The following ARHGEF18 variants were observed in gnomAD, a reference collection of about 807,000 sequenced individuals.
ARHGEF18 encodes Rho/Rac guanine nucleotide exchange factor 18.
Under a neutral mutation model 155.7 loss-of-function variants are expected in ARHGEF18, and 93 were observed. That is an observed-to-expected ratio of 0.60 (90% CI 0.50 to 0.71). ARHGEF18 has a LOEUF of 0.71. Among genes scored for constraint, ARHGEF18 ranks in the 30% least tolerant of loss-of-function variants. The probability of loss-of-function intolerance (pLI) is 0.00; values close to 1 mark genes in which losing one functional copy is unlikely to be tolerated. For synonymous variants in ARHGEF18, 742 were observed against 753.1 expected, an observed-to-expected ratio of 0.99 and a Z score of 0.24; for missense variants, 1,593 against 1,816.1, an observed-to-expected ratio of 0.88 and a Z score of 2.23.
rs549684900 is a variant in ARHGEF18, at chr19:7,351,960, G to T, written c.-111+2719G>T. ...TCCACCTGCCTTGGCCTCCCAAAGT[G>T]CTGGGATTACAGATGTAAGCCACTG... On this transcript the variant is annotated intron_variant, in intron 1 of 28. Coordinates refer to ENST00000668164, the MANE Select transcript of ARHGEF18 (RefSeq NM_001367823.1). Among the ~76,000 whole-genome samples, 8 of 152,234 alleles carry T rather than the reference G, an allele frequency of 5.3e-5. No homozygotes were observed. In the East Asian group the frequency reaches 1.5e-3, roughly 29 times the overall value.
chr19:7,443,764 C>T (rs1334961265), intron 13 of ARHGEF18, among the ~76,000 whole-genome samples: 5 of 151,932 alleles, frequency 3.3e-5, no homozygotes, highest in Non-Finnish European at 7.4e-5. Flanking sequence ...GATAGCCAGG[C>T]GTGGTGGTGT....
At chr19:7,391,453 A>G (rs17159418) in intron 10 of ARHGEF18, among the ~76,000 whole-genome samples, 17,684 of 152,002 alleles carry the variant, frequency 0.12, 1,970 homozygotes, top group African/African-American at 0.29. Flanking sequence ...TTTATAATTC[A>G]ACCCCACCTA....
chr19:7,403,076 C>T (rs888763645), intron 10 of ARHGEF18, among the ~76,000 whole-genome samples: 4 of 152,174 alleles, frequency 2.6e-5, no homozygotes, highest in Non-Finnish European at 4.4e-5. Context: ...TACAGTGGCG[C>T]GATCTCGGCT....
At chr19:7,388,939 A>T (rs1014381246) in intron 10 of ARHGEF18, among the ~76,000 whole-genome samples, 1 of 151,976 alleles carries the variant, frequency 6.6e-6, no homozygotes, top group Non-Finnish European at 1.5e-5. Flanking sequence ...AAGTACAAAG[A>T]AAGCAGAGAG....
At chr19:7,437,186 A>T (rs62111750) in intron 10 of ARHGEF18, among the ~76,000 whole-genome samples, 60,813 of 151,450 alleles carry the variant, frequency 0.4, 12,758 homozygotes, top group East Asian at 0.59. Context: ...CCCAGCACTT[A>T]GGGAGGCCGA....
chr19:7,421,005 A>G (rs1490908281), intron 10 of ARHGEF18, among the ~76,000 whole-genome samples: 1 of 152,100 alleles, frequency 6.6e-6, no homozygotes, highest in Non-Finnish European at 1.5e-5. Flanking sequence ...GTGATGGCTC[A>G]CTGCCGCCTC....
chr19:7,398,702 A>T (rs1030219128), intron 10 of ARHGEF18, among the ~76,000 whole-genome samples: 8 of 151,116 alleles, frequency 5.3e-5, no homozygotes, highest in South Asian at 2.1e-4. Context: ...AAAAAAAAAA[A>T]AAAAATAAAG....
intron 10 of ARHGEF18, among the ~76,000 whole-genome samples, chr19:7,432,608 T>C (rs1473954681): frequency 6.6e-6 from 1 of 152,152 alleles, no homozygotes; most frequent in Non-Finnish European, 1.5e-5. Flanking sequence ...CCCAAAGTAC[T>C]CAGATTACAG....
chr19:7,423,924 G>T (rs1222274744), intron 10 of ARHGEF18, among the ~76,000 whole-genome samples: 2 of 152,094 alleles, frequency 1.3e-5, no homozygotes. Flanking sequence ...GAACCCAGAA[G>T]TGGATCTCAT....
rs964109079 is a variant in ARHGEF18, at chr19:7,459,996, TGAGCGG to T, written c.2452+6_2452+11del. 6 of 1,571,544 alleles carry T rather than the reference TGAGCGG, an allele frequency of 3.8e-6. No homozygotes were observed. The highest frequency in any genetic ancestry group is 5.2e-6 in the Non-Finnish European group (6 of 1,158,546). Reference sequence around the variant, plus strand: ...CCACGAGACTCCGGGACTTTCAAGGTGAGCGGGAGACAGCGTCTGGGCACACCCCTT... The same window carrying T: ...CCACGAGACTCCGGGACTTTCAAGGTGAGACAGCGTCTGGGCACACCCCTT... On this transcript the variant is annotated splice_donor_5th_base_variant and intron_variant, in intron 20 of 28. Coordinates refer to ENST00000668164, the MANE Select transcript of ARHGEF18 (RefSeq NM_001367823.1).
rs752929748 is a variant in ARHGEF18, at chr19:7,471,160, G to A, written c.*862G>A. The A allele has an allele frequency of 3.4e-5, 8 of 231,944 alleles. No homozygotes were observed. The South Asian group carries it at 5.5e-4, about 16-fold the overall frequency. The allele number at this position is 231,944 out of a possible 1,614,324, so 14.4% of individuals were successfully genotyped here. ...CCTGGGCACAGGGTCCTCAGCCCCC[G>A]GGAAATGAGCTCCCAGGGCTGGCGT... is the stretch of plus-strand genomic sequence containing the variant. On this transcript the variant is annotated 3_prime_UTR_variant, in exon 29 of 29. Transcript: ENST00000668164. The surrounding 1 kb of genome is among the most constrained non-coding windows in gnomAD (Gnocchi z 4.4).
intron 3 of ARHGEF18, 25 bp from the exon 4 acceptor site, chr19:7,375,695 C>T: frequency 8.1e-7 from 1 of 1,234,138 alleles, no homozygotes; most frequent in Non-Finnish European, 1.0e-6. Flanking sequence ...CTGCTGAAGC[C>T]CCAGTACCCT....
the ARHGEF18 span, among the ~76,000 whole-genome samples, chr19:7,478,106 G>C: frequency 6.6e-6 from 1 of 152,244 alleles, no homozygotes; most frequent in Non-Finnish European, 1.5e-5. Flanking sequence ...GCGCAGCCAT[G>C]AAGGCTCAGC....
chr19:7,375,424 AAAGG>A (rs1001191612), intron 3 of ARHGEF18, among the ~76,000 whole-genome samples: 12 of 150,902 alleles, frequency 8.0e-5, no homozygotes, highest in East Asian at 3.9e-4. Flanking sequence ...AGGAAGGAAG[AAAGG>A]AAGGAAGAAA....
At chr19:7,373,470 T>G (rs371482042) in intron 3 of ARHGEF18, among the ~76,000 whole-genome samples, 3 of 149,774 alleles carry the variant, frequency 2.0e-5, no homozygotes, top group African/African-American at 5.0e-5. Flanking sequence ...TTTGTTTTTT[T>G]TTTTTTGTTT....
At chr19:7,448,616 GCAC>G (rs1568345555) in intron 15 of ARHGEF18, among the ~76,000 whole-genome samples, 2 of 151,284 alleles carry the variant, frequency 1.3e-5, no homozygotes, top group Non-Finnish European at 2.9e-5. Flanking sequence ...AGCTGAGATC[GCAC>G]CACTGCACTC....
At chr19:7,363,905 T>C (rs1969751518) in intron 2 of ARHGEF18, among the ~76,000 whole-genome samples, 1 of 144,470 alleles carries the variant, frequency 6.9e-6, no homozygotes, top group Non-Finnish European at 1.5e-5. Context: ...GATGGGTTGA[T>C]GGAAGGAAGG....
chr19:7,425,719 G>A (rs1005527737), intron 10 of ARHGEF18, among the ~76,000 whole-genome samples: 13 of 151,460 alleles, frequency 8.6e-5, no homozygotes, highest in African/African-American at 3.2e-4. Flanking sequence ...ATTATGAGAG[G>A]CCGGGCACAG....
chr19:7,401,675 G>A (rs112271732), intron 10 of ARHGEF18, among the ~76,000 whole-genome samples: 31 of 152,296 alleles, frequency 2.0e-4, no homozygotes, highest in African/African-American at 6.7e-4. Flanking sequence ...TGGGAAACAG[G>A]CAGTTCCTCC....
Sources: allele counts gnomAD v4.1 joint callset (sites outside exome capture counted in the v4.1 genomes callset), GRCh38; gene constraint gnomAD v4.1.1; non-coding constraint Gnocchi (gnomAD v3.1); transcripts MANE v1.5; gene names NCBI Gene and HGNC (gene_info 2026-07-23, HGNC 2026-07-21).